The following CPE variants were observed in gnomAD, a reference collection of about 807,000 sequenced individuals.
The protein encoded by CPE is carbocypeptidase E.
CPE carries 17 observed loss-of-function variants against 53.5 expected under a neutral mutation model. The ratio of observed to expected loss-of-function variants is 0.32; its 90% CI spans 0.22 to 0.48. The LOEUF is 0.48. Among genes scored for constraint, CPE ranks in the 20% least tolerant of loss-of-function variants. The pLI is 0.99. For missense variants in CPE, 524 were observed against 614.7 expected, an observed-to-expected ratio of 0.85 and a Z score of 1.56; for synonymous variants, 226 against 228.8, an observed-to-expected ratio of 0.99 and a Z score of 0.11.
At chr4:165,421,102 G>C (rs947612707) in intron 1 of CPE, among the ~76,000 whole-genome samples, 3 of 152,130 alleles carry the variant, frequency 2.0e-5, no homozygotes, top group Non-Finnish European at 4.4e-5. Context: ...GCATTGTAGT[G>C]GAAAATTATA....
intron 8 of CPE, among the ~76,000 whole-genome samples, chr4:165,496,221 G>A (rs1014248913): frequency 6.6e-6 from 1 of 152,158 alleles, no homozygotes; most frequent in Non-Finnish European, 1.5e-5. Context: ...TGTATTATAT[G>A]CCTGGGACCG....
At chr4:165,458,631 T>A (rs1731943614) in intron 1 of CPE, among the ~76,000 whole-genome samples, 1 of 152,238 alleles carries the variant, frequency 6.6e-6, no homozygotes, top group Non-Finnish European at 1.5e-5. Flanking sequence ...TTACATAGAA[T>A]TTCACAATTT....
At chr4:165,451,114 T>C (rs1055933661) in intron 1 of CPE, among the ~76,000 whole-genome samples, 1 of 152,220 alleles carries the variant, frequency 6.6e-6, no homozygotes, top group Admixed American at 6.5e-5. Context: ...AATTGGAATC[T>C]GCATTTTAAT....
At chr4:165,443,620 A>G (rs1197116376) in intron 1 of CPE, among the ~76,000 whole-genome samples, 1 of 151,844 alleles carries the variant, frequency 6.6e-6, no homozygotes. Flanking sequence ...TCTGTGTCCA[A>G]TTTTCTCTTC....
At chr4:165,490,007 T>G (rs1472238189) in intron 6 of CPE, among the ~76,000 whole-genome samples, 1 of 152,132 alleles carries the variant, frequency 6.6e-6, no homozygotes, top group East Asian at 1.9e-4. Context: ...CACTCCAGTT[T>G]AGGAAAACAA....
intron 1 of CPE, among the ~76,000 whole-genome samples, chr4:165,380,077 G>T (rs1024942612): frequency 1.3e-5 from 2 of 152,168 alleles, no homozygotes; most frequent in Admixed American, 6.5e-5. Context: ...TTGGCTCTGT[G>T]TACCCATCTC....
intron 1 of CPE, among the ~76,000 whole-genome samples, chr4:165,444,783 T>C (rs1036279350): frequency 2.6e-5 from 4 of 152,194 alleles, no homozygotes; most frequent in African/African-American, 7.2e-5. Context: ...CAATCTTCAG[T>C]TGCACAAACC....
intron 1 of CPE, among the ~76,000 whole-genome samples, chr4:165,383,955 G>T (rs1346943236): frequency 1.3e-5 from 2 of 152,138 alleles, no homozygotes; most frequent in Non-Finnish European, 2.9e-5. Context: ...CTTGTAATTG[G>T]TTAATGGAAG....
intron 1 of CPE, among the ~76,000 whole-genome samples, chr4:165,395,002 A>T (rs952920511): frequency 2.6e-5 from 4 of 152,194 alleles, no homozygotes; most frequent in Non-Finnish European, 5.9e-5. Context: ...TTACTGTAGG[A>T]ATTTAAGAAT....
At chr4:165,430,467 G>A (rs1393459665) in intron 1 of CPE, among the ~76,000 whole-genome samples, 1 of 151,982 alleles carries the variant, frequency 6.6e-6, no homozygotes, top group East Asian at 1.9e-4. Flanking sequence ...CATTTTATTG[G>A]TAATAGATGA....
chr4:165,439,941 T>C (rs990898565), intron 1 of CPE, among the ~76,000 whole-genome samples: 1 of 152,188 alleles, frequency 6.6e-6, no homozygotes, highest in Admixed American at 6.5e-5. Flanking sequence ...GCAATTCCCT[T>C]GTTTATGAAG....
intron 1 of CPE, among the ~76,000 whole-genome samples, chr4:165,455,954 CA>C: frequency 6.6e-6 from 1 of 152,042 alleles, no homozygotes; most frequent in Non-Finnish European, 1.5e-5. Flanking sequence ...TGCCTGGCCA[CA>C]AGTCAAAGGT....
At chr4:165,440,792 CACTA>C (rs1731595782) in intron 1 of CPE, among the ~76,000 whole-genome samples, 1 of 152,026 alleles carries the variant, frequency 6.6e-6, no homozygotes, top group South Asian at 2.1e-4. Flanking sequence ...CCTTGATAGA[CACTA>C]ACTAATTAGC....
chr4:165,389,183 T>C (rs1018370888), intron 1 of CPE, among the ~76,000 whole-genome samples: 8 of 152,214 alleles, frequency 5.3e-5, no homozygotes, highest in Admixed American at 3.9e-4. Flanking sequence ...TGTAGCTAAA[T>C]AGACTGAAAT....
At chr4:165,481,016 AT>A (rs11421146) in intron 3 of CPE, among the ~76,000 whole-genome samples, 3,726 of 110,928 alleles carry the variant, frequency 0.034, 73 homozygotes, top group Non-Finnish European at 0.042. Context: ...ATATATATAT[AT>A]TTTTTTTTTT....
At chr4:165,488,981 G>A (rs573826757) in intron 6 of CPE, among the ~76,000 whole-genome samples, 13 of 152,306 alleles carry the variant, frequency 8.5e-5, no homozygotes, top group South Asian at 6.2e-4. Context: ...GGTGATTAAA[G>A]AGCACTCATT....
At chr4:165,386,438 A>G in intron 1 of CPE, 3 of 388,766 alleles carry the variant, frequency 7.7e-6, no homozygotes, top group Non-Finnish European at 1.5e-5. Flanking sequence ...AAAAATGCAT[A>G]TCATAAAACA....
chr4:165,482,477 A>G, intron 4 of CPE, 118 bp downstream of exon 4: 1 of 696,306 alleles, frequency 1.4e-6, no homozygotes, highest in South Asian at 2.0e-5. Context: ...TTTTGCCTGA[A>G]GAAAGAACTA....
rs77414853 is a variant in CPE, at chr4:165,475,072, G to A, written c.673-7170G>A. Among the ~76,000 whole-genome samples, 769 of 152,312 alleles carry A rather than the reference G, an allele frequency of 5.0e-3. 6 individuals carry two copies. The highest frequency in any genetic ancestry group is 0.017 in the African/African-American group (711 of 41,558). On this transcript the variant is annotated intron_variant, in intron 3 of 8. Transcript: ENST00000402744. ...AAAGCTTTCATATGCGAGTGAAACG[G>A]CAACATTTATTTGCCCTCTTAACAT...
Sources: gnomAD v4.1 joint callset for allele counts (sites outside exome capture counted in the v4.1 genomes callset) on GRCh38, gnomAD v4.1.1 for gene constraint, MANE v1.5 for transcripts, NCBI Gene and HGNC (gene_info 2026-07-23, HGNC 2026-07-21) for gene names.